Variants in ELOVL6 observed in about 807,000 individuals in gnomAD.
ELOVL6 encodes ELOVL fatty acid elongase 6, also known as very long chain fatty acid elongase 6.
Under a neutral mutation model 31.7 loss-of-function variants are expected in ELOVL6, and 8 were observed. That is an observed-to-expected ratio of 0.25 (90% CI 0.15 to 0.45). The LOEUF (loss-of-function observed/expected upper bound fraction) is 0.45, where lower values mean the gene tolerates loss of function less well. Ranked by LOEUF, ELOVL6 falls within the 20% of genes least tolerant of loss-of-function variation. ELOVL6 has a pLI of 1.00. For synonymous variants in ELOVL6, 101 were observed against 117.7 expected (o/e 0.86, Z 0.92); for missense variants, 126 against 326.4 (o/e 0.39, Z 4.73).
intron 1 of ELOVL6, among the ~76,000 whole-genome samples, chr4:110,189,552 C>A (rs1759546464): frequency 7.5e-6 from 1 of 133,264 alleles, no homozygotes; most frequent in South Asian, 2.4e-4. Context: ...CAAGATCATG[C>A]CACTGCACTC....
chr4:110,142,616 A>C (rs1288337183), intron 1 of ELOVL6, among the ~76,000 whole-genome samples: 3 of 152,226 alleles, frequency 2.0e-5, no homozygotes, highest in Non-Finnish European at 4.4e-5. Flanking sequence ...AATAGTAAGA[A>C]TGAACTCTTG....
At chr4:110,194,480 T>C (rs935535004) in intron 1 of ELOVL6, among the ~76,000 whole-genome samples, 10 of 152,230 alleles carry the variant, frequency 6.6e-5, no homozygotes, top group Admixed American at 2.6e-4. Flanking sequence ...ACCTATTATA[T>C]ATGAAACTTT....
intron 1 of ELOVL6, among the ~76,000 whole-genome samples, chr4:110,112,790 C>A (rs573873543): frequency 1.6e-4 from 25 of 152,300 alleles, no homozygotes; most frequent in African/African-American, 5.3e-4. Flanking sequence ...AGGAGAATCT[C>A]TTGAACCTGG....
chr4:110,152,284 G>A (rs1018760620), intron 1 of ELOVL6, among the ~76,000 whole-genome samples: 11 of 152,130 alleles, frequency 7.2e-5, no homozygotes, highest in African/African-American at 2.4e-4. Context: ...CTAAATACAC[G>A]ATCAGAGACA....
At chr4:110,126,497 A>C (rs1216405670) in intron 1 of ELOVL6, among the ~76,000 whole-genome samples, 2 of 152,174 alleles carry the variant, frequency 1.3e-5, no homozygotes, top group Admixed American at 6.5e-5. Flanking sequence ...GTAGTGAAAA[A>C]TTTGATGCCA....
At chr4:110,149,379 T>G (rs1212744031) in intron 1 of ELOVL6, among the ~76,000 whole-genome samples, 3 of 152,216 alleles carry the variant, frequency 2.0e-5, no homozygotes, top group Non-Finnish European at 4.4e-5. Flanking sequence ...GGAATCGACT[T>G]AAGTGTCCAT....
intron 2 of ELOVL6, among the ~76,000 whole-genome samples, chr4:110,069,753 T>C (rs1285545856): frequency 6.6e-6 from 1 of 152,224 alleles, no homozygotes; most frequent in Non-Finnish European, 1.5e-5. Flanking sequence ...AGTGTTTCTC[T>C]GCCTGGCTGG....
intron 2 of ELOVL6, among the ~76,000 whole-genome samples, chr4:110,095,175 A>G (rs1455099523): frequency 6.6e-6 from 1 of 152,176 alleles, no homozygotes; most frequent in African/African-American, 2.4e-5. Context: ...GAGTAAGTGC[A>G]GCGTGTTCAA....
chr4:110,148,514 A>G (rs144411712), intron 1 of ELOVL6, among the ~76,000 whole-genome samples: 2 of 151,956 alleles, frequency 1.3e-5, no homozygotes, highest in Non-Finnish European at 2.9e-5. Flanking sequence ...GGAGGTAGGA[A>G]TGGTTAATGG....
chr4:110,139,954 G>A (rs957148584), intron 1 of ELOVL6, among the ~76,000 whole-genome samples: 3 of 152,138 alleles, frequency 2.0e-5, no homozygotes, highest in Admixed American at 2.0e-4. Flanking sequence ...AGCACCATCA[G>A]GGACGGATGG....
intron 1 of ELOVL6, among the ~76,000 whole-genome samples, chr4:110,196,033 G>A (rs981267454): frequency 2.0e-5 from 3 of 152,226 alleles, no homozygotes; most frequent in Non-Finnish European, 2.9e-5. Flanking sequence ...CACGAGGGCT[G>A]AGACCTGTCT....
intron 1 of ELOVL6, among the ~76,000 whole-genome samples, chr4:110,115,945 C>T (rs893984175): frequency 6.6e-6 from 1 of 152,170 alleles, no homozygotes; most frequent in African/African-American, 2.4e-5. Context: ...CTGCCTCCTT[C>T]TCCATCTTCA....
rs529926050 is a variant in ELOVL6 at position 110,157,041 on chromosome 4, A to G, written c.89+41206T>C. On this transcript the variant is annotated intron_variant, in intron 1 of 3. Coordinates refer to ENST00000302274, the MANE Select transcript of ELOVL6 (RefSeq NM_024090.3). ...TGGCTAATCATCATTCTGATTAATC[A>G]TTTTTGGCAGATTTGAAAAGGAGGA... 2.0e-5 allele frequency among the ~76,000 whole-genome samples: 3 copies of G among 152,314 alleles called. No individual in the cohort carries two copies. The East Asian group carries it at 5.8e-4, about 29-fold the overall frequency.
chr4:110,048,042 T>A lies in ELOVL6; in HGVS notation c.*3296A>T, dbSNP rs1347432360. The A allele has an allele frequency of 2.0e-5, 3 of 152,194 alleles. No homozygotes were observed. Among genetic ancestry groups the A allele is most frequent in the Non-Finnish European group, 4.4e-5 (3 of 68,032 alleles). The allele number at this position is 152,194 out of a possible 1,614,324, so 9.4% of individuals were successfully genotyped here. ...ATATTAGTCTCTTTTCTCATCAGTT[T>A]CTTTACATGAGCAGAGAGGTGGAGA... On this transcript the variant is annotated 3_prime_UTR_variant, in exon 4 of 4. Coordinates refer to ENST00000302274, the MANE Select transcript of ELOVL6 (RefSeq NM_024090.3).
At chr4:110,131,051 C>T (rs1424312203) in intron 1 of ELOVL6, among the ~76,000 whole-genome samples, 2 of 152,184 alleles carry the variant, frequency 1.3e-5, no homozygotes, top group African/African-American at 4.8e-5. Context: ...GGTAAGGAAG[C>T]TTTCTAAATT....
At chr4:110,134,547 G>C (rs900906651) in intron 1 of ELOVL6, among the ~76,000 whole-genome samples, 1 of 152,212 alleles carries the variant, frequency 6.6e-6, no homozygotes, top group African/African-American at 2.4e-5. Flanking sequence ...TGGCAGGATA[G>C]AGAAAAGTGG....
chr4:110,059,834 T>C, intron 2 of ELOVL6, 80 bp from the exon 3 acceptor site: 2 of 1,334,612 alleles, frequency 1.5e-6, no homozygotes, highest in Admixed American at 2.2e-5. Context: ...AGAAGACTGG[T>C]TGGCCACTGG....
At chr4:110,074,127 C>A (rs1755565754) in intron 2 of ELOVL6, among the ~76,000 whole-genome samples, 1 of 152,192 alleles carries the variant, frequency 6.6e-6, no homozygotes, top group Non-Finnish European at 1.5e-5. Flanking sequence ...ATCAGGGAGA[C>A]TTGTCCCAGG....
chr4:110,148,491 G>A (rs1438065308), intron 1 of ELOVL6, among the ~76,000 whole-genome samples: 1 of 148,872 alleles, frequency 6.7e-6, no homozygotes, highest in Admixed American at 6.7e-5. Context: ...AGGGGGTTGT[G>A]CGGGGGAGGG....
Sources: allele counts gnomAD v4.1 joint callset (sites outside exome capture counted in the v4.1 genomes callset), GRCh38; gene constraint gnomAD v4.1.1; transcripts MANE v1.5; gene names NCBI Gene and HGNC (gene_info 2026-07-23, HGNC 2026-07-21).